Variants in MACROD2 observed in about 807,000 individuals in gnomAD.
MACROD2 encodes ADP-ribose glycohydrolase MACROD2.
MACROD2 carries 36 observed loss-of-function variants against 70.4 expected under a neutral mutation model. The observed-to-expected ratio is 0.51, with a 90% CI of 0.39 to 0.68. The LOEUF (loss-of-function observed/expected upper bound fraction) is 0.68, where lower values mean the gene tolerates loss of function less well. MACROD2 is among the 30% of genes least tolerant of loss of function. The probability of loss-of-function intolerance (pLI) is 0.00; values close to 1 mark genes in which losing one functional copy is unlikely to be tolerated. For synonymous variants in MACROD2, 172 were observed against 178.8 expected (o/e 0.96, Z 0.30); for missense variants, 496 against 538.4 (o/e 0.92, Z 0.78).
At chr20:14,159,766 T>C (rs748139104) in intron 3 of MACROD2, among the ~76,000 whole-genome samples, 4 of 152,194 alleles carry the variant, frequency 2.6e-5, no homozygotes. Flanking sequence ...TTGTGTTAAA[T>C]GGGAGTGGTG....
chr20:15,304,957 T>G (rs1006786488), intron 6 of MACROD2, among the ~76,000 whole-genome samples: 10 of 152,242 alleles, frequency 6.6e-5, no homozygotes, highest in African/African-American at 2.2e-4. Flanking sequence ...AGTGCTCGTT[T>G]GCTTACAACT....
At chr20:14,268,043 A>G (rs140530807) in intron 3 of MACROD2, among the ~76,000 whole-genome samples, 2 of 152,268 alleles carry the variant, frequency 1.3e-5, no homozygotes, top group African/African-American at 4.8e-5. Flanking sequence ...ATTCAAATAT[A>G]TACAAAAATA....
At chr20:15,419,860 G>A (rs2146338455) in intron 6 of MACROD2, among the ~76,000 whole-genome samples, 1 of 152,272 alleles carries the variant, frequency 6.6e-6, no homozygotes, top group Admixed American at 6.5e-5. Context: ...GTCATTGAAG[G>A]GTCACCATTT....
intron 3 of MACROD2, among the ~76,000 whole-genome samples, chr20:14,335,154 A>C (rs2082914254): frequency 6.6e-6 from 1 of 152,206 alleles, no homozygotes; most frequent in Non-Finnish European, 1.5e-5. Flanking sequence ...GTGTGTGGCC[A>C]AGAAAAGCAC....
chr20:15,306,302 A>G (rs1477091153), intron 6 of MACROD2, among the ~76,000 whole-genome samples: 1 of 152,190 alleles, frequency 6.6e-6, no homozygotes, highest in Admixed American at 6.5e-5. Flanking sequence ...TTCCTAAATG[A>G]GAATCTGGAC....
chr20:15,757,432 C>T (rs1295619314), intron 8 of MACROD2, among the ~76,000 whole-genome samples: 10 of 152,018 alleles, frequency 6.6e-5, no homozygotes, highest in Non-Finnish European at 1.5e-4. Context: ...AGCCAGGATG[C>T]TGGCAATAAT....
chr20:15,628,262 A>C (rs955503536), intron 8 of MACROD2, among the ~76,000 whole-genome samples: 2 of 152,208 alleles, frequency 1.3e-5, no homozygotes, highest in Non-Finnish European at 2.9e-5. Context: ...ATATACATTT[A>C]AGCCTCATAT....
intron 4 of MACROD2, among the ~76,000 whole-genome samples, chr20:14,585,135 G>A (rs1981288872): frequency 6.6e-6 from 1 of 152,168 alleles, no homozygotes; most frequent in Non-Finnish European, 1.5e-5. Context: ...TGGGGTAAGG[G>A]AACAATAGCT....
chr20:15,269,877 T>C (rs1368798999), intron 6 of MACROD2, among the ~76,000 whole-genome samples: 4 of 152,192 alleles, frequency 2.6e-5, no homozygotes, highest in African/African-American at 9.7e-5. Flanking sequence ...TTTAATTAAT[T>C]AATTAATTCA....
At chr20:16,030,260 G>T (rs1238991) in intron 15 of MACROD2, among the ~76,000 whole-genome samples, 12 of 152,028 alleles carry the variant, frequency 7.9e-5, no homozygotes, top group Admixed American at 3.9e-4. Context: ...TGGGCTGGGC[G>T]TGGGATATGC....
intron 3 of MACROD2, among the ~76,000 whole-genome samples, chr20:14,438,653 C>T (rs562562700): frequency 7.2e-5 from 11 of 152,184 alleles, no homozygotes; most frequent in South Asian, 2.1e-4. Context: ...TGCATTTCCC[C>T]GATGATTAAA....
At chr20:15,574,935 G>T (rs1002554438) in intron 8 of MACROD2, among the ~76,000 whole-genome samples, 4 of 152,066 alleles carry the variant, frequency 2.6e-5, no homozygotes, top group Non-Finnish European at 4.4e-5. Flanking sequence ...GAGCTCCAAG[G>T]TATAAATGTT....
At chr20:15,404,966 A>G (rs910355191) in intron 6 of MACROD2, among the ~76,000 whole-genome samples, 1 of 152,282 alleles carries the variant, frequency 6.6e-6, no homozygotes, top group African/African-American at 2.4e-5. Context: ...AAAATGAAGT[A>G]CTGATACGTG....
intron 3 of MACROD2, among the ~76,000 whole-genome samples, chr20:14,303,880 G>A (rs1026411210): frequency 1.3e-5 from 2 of 152,098 alleles, no homozygotes; most frequent in Non-Finnish European, 2.9e-5. Flanking sequence ...AGGATAGAGG[G>A]CACTTGTGTC....
intron 5 of MACROD2, among the ~76,000 whole-genome samples, chr20:14,831,447 C>T (rs2072964204): frequency 1.3e-5 from 2 of 151,748 alleles, no homozygotes; most frequent in South Asian, 4.2e-4. Context: ...ACAGTTACTC[C>T]CCAATCCTCC....
At chr20:15,885,273 A>G (rs1411790944) in intron 9 of MACROD2, among the ~76,000 whole-genome samples, 1 of 152,122 alleles carries the variant, frequency 6.6e-6, no homozygotes, top group Non-Finnish European at 1.5e-5. Flanking sequence ...CACATGAGTG[A>G]AGGCTGGGAT....
intron 3 of MACROD2, among the ~76,000 whole-genome samples, chr20:14,355,854 T>C (rs1012128002): frequency 1.3e-5 from 2 of 152,200 alleles, no homozygotes; most frequent in Non-Finnish European, 2.9e-5. Flanking sequence ...CTTGAGATTA[T>C]TGGGAGTGGA....
intron 5 of MACROD2, among the ~76,000 whole-genome samples, chr20:14,730,371 T>G (rs2071580408): frequency 6.6e-6 from 1 of 152,054 alleles, no homozygotes; most frequent in African/African-American, 2.4e-5. Context: ...AGACTAAAAT[T>G]GTAAAAGCAG....
At chr20:15,935,575 A>G (rs2065646462) in intron 11 of MACROD2, among the ~76,000 whole-genome samples, 1 of 152,208 alleles carries the variant, frequency 6.6e-6, no homozygotes, top group Admixed American at 6.5e-5. Flanking sequence ...GGCCTCTTAC[A>G]CGTCATGAAA....
Sources: gnomAD v4.1 joint callset for allele counts (sites outside exome capture counted in the v4.1 genomes callset) on GRCh38, gnomAD v4.1.1 for gene constraint, MANE v1.5 for transcripts, NCBI Gene and HGNC (gene_info 2026-07-23, HGNC 2026-07-21) for gene names.